CHMP1A: variants seen among roughly 807,000 people sequenced by gnomAD.
The protein encoded by CHMP1A is charged multivesicular body protein 1A, also known as VPS46 homolog A.
A neutral mutation model predicts 27.0 loss-of-function variants in CHMP1A; 17 were observed. That is an observed-to-expected ratio of 0.63 (90% CI 0.43 to 0.95). The LOEUF is 0.95. Ranked by LOEUF, CHMP1A falls within the 40% of genes least tolerant of loss-of-function variation. The probability of loss-of-function intolerance (pLI) is 0.00; values close to 1 mark genes in which losing one functional copy is unlikely to be tolerated. For missense variants in CHMP1A, 275 were observed against 264.0 expected (o/e 1.04, Z -0.29); for synonymous variants, 131 against 107.5 (o/e 1.22, Z -1.35).
chr16:89,648,575 T>A (rs1207873820), intron 4 of CHMP1A, among the ~76,000 whole-genome samples: 1 of 152,148 alleles, frequency 6.6e-6, no homozygotes, highest in Non-Finnish European at 1.5e-5. Context: ...CTGCCTCTTG[T>A]GGGAGTTGCC....
Position 89,646,607 on chromosome 16 carries a change from G to C in CHMP1A, c.489C>G (p.Asp163Glu). 2 of 1,605,226 alleles carry C rather than the reference G, an allele frequency of 1.2e-6. No individual in the cohort carries two copies. The highest frequency in any genetic ancestry group is 1.7e-6 in the Non-Finnish European group (2 of 1,176,868). Residue 163 changes from aspartate (D) to glutamate (E), a missense_variant, in exon 6 of 7, where the codon GAC becomes GAG. Asp to Glu is a conservative substitution (Grantham distance 45). Coordinates refer to ENST00000397901, the MANE Select transcript of CHMP1A (RefSeq NM_002768.5). ...IAEENGLEVL[D>E]QLSQLPEGAS... ...CGCCCTCGGGCAGCTGGCTGAGCTG[G>C]TCCAGCACCTCCAGGCCATTCTCCT...
intron 1 of CHMP1A, among the ~76,000 whole-genome samples, chr16:89,654,934 C>G (rs983142478): frequency 6.6e-5 from 9 of 135,656 alleles, no homozygotes; most frequent in Non-Finnish European, 6.3e-5. Flanking sequence ...CAGTGCAAGA[C>G]TCCGTCTCAA....
At chr16:89,650,884 T>G (rs2059818622) in intron 3 of CHMP1A, among the ~76,000 whole-genome samples, 2 of 151,716 alleles carry the variant, frequency 1.3e-5, no homozygotes, top group South Asian at 4.2e-4. Context: ...GTTCAGAATG[T>G]TGGAAATGCA....
rs71279372 is a variant in CHMP1A, at chr16:89,648,393, C to G, written c.252+958G>C. 5.2e-3 allele frequency among the ~76,000 whole-genome samples: 233 copies of G among 44,584 alleles called. 62 individuals are homozygous for G. The highest frequency in any genetic ancestry group is 9.4e-3 in the South Asian group (7 of 744). The allele number at this position is 44,584 out of a possible 152,430, so 29.2% of individuals were successfully genotyped here. A position where few individuals can be genotyped will look rare whatever the true frequency, so the allele number is the denominator to read the frequency against. On this transcript the variant is annotated intron_variant, in intron 4 of 6. Coordinates refer to ENST00000397901, the MANE Select transcript of CHMP1A (RefSeq NM_002768.5). The stretch of plus-strand genomic sequence containing the variant: ...AGCGCGGGGTCGGTGGAGAAAAGGC[C>G]GCCGACGTGGGGACCCAGCGCGGGG...
intron 2 of CHMP1A, among the ~76,000 whole-genome samples, chr16:89,652,869 G>T (rs866359030): frequency 3.2e-4 from 49 of 152,306 alleles, no homozygotes; most frequent in African/African-American, 1.0e-3. Context: ...GGAAATGCAC[G>T]GAAACCTGCC....
intron 1 of CHMP1A, among the ~76,000 whole-genome samples, chr16:89,656,440 C>G (rs965076687): frequency 6.6e-6 from 1 of 152,204 alleles, no homozygotes; most frequent in South Asian, 2.1e-4. Flanking sequence ...CCCAGCCCTT[C>G]AAAAAGTATT....
intron 2 of CHMP1A, among the ~76,000 whole-genome samples, chr16:89,653,622 C>CAAAAAAAAAAAAAAAAAAAAAAAAAA (rs5818724): frequency 1.9e-5 from 1 of 51,498 alleles, no homozygotes; most frequent in Non-Finnish European, 3.7e-5. Context: ...GACGCCGTCT[C>CAAAAAAAAAAAAAAAAAAAAAAAAAA]AAAAAAAAAA....
chr16:89,657,489 T>G (rs1010651075), intron 1 of CHMP1A, 93 bp downstream of exon 1: 1 of 1,506,884 alleles, frequency 6.6e-7, no homozygotes, highest in South Asian at 1.2e-5. Context: ...TCCTGAGTCC[T>G]GCCCGCGGCC....
At chr16:89,656,353 G>C (rs2059869715) in intron 1 of CHMP1A, among the ~76,000 whole-genome samples, 1 of 151,434 alleles carries the variant, frequency 6.6e-6, no homozygotes, top group Non-Finnish European at 1.5e-5. Context: ...TAGCCAGGAT[G>C]GTCTCGATCT....
chr16:89,646,445 C>A, intron 6 of CHMP1A, 82 bp downstream of exon 6: 2 of 1,394,992 alleles, frequency 1.4e-6, no homozygotes, highest in Non-Finnish European at 9.7e-7. Flanking sequence ...TCTCCTCCAG[C>A]CTCTAACCCA....
At chr16:89,649,257 G>A (rs956683360) in intron 4 of CHMP1A, 94 bp downstream of exon 4, 52 of 1,368,778 alleles carry the variant, frequency 3.8e-5, no homozygotes, top group Middle Eastern at 2.7e-4. Context: ...TCCACCTTCC[G>A]TCAACTCTGA....
intron 4 of CHMP1A, 87 bp downstream of exon 4, chr16:89,649,264 C>G (rs1410145354): frequency 6.6e-7 from 1 of 1,516,340 alleles, no homozygotes; most frequent in Non-Finnish European, 8.9e-7. Flanking sequence ...TCCGTCAACT[C>G]TGAGCTGCCC....
rs182350416 is a variant in CHMP1A, at chr16:89,655,488, C to T, written c.8-1565G>A. Among the ~76,000 whole-genome samples the T allele has an allele frequency of 9.3e-4, 142 of 152,238 alleles. 2 individuals carry two copies. Among genetic ancestry groups the T allele is most frequent in the Non-Finnish European group, 1.5e-5 (1 of 68,022 alleles). On this transcript the variant is annotated intron_variant, in intron 1 of 6. Coordinates refer to ENST00000397901, the MANE Select transcript of CHMP1A (RefSeq NM_002768.5). ...CTTTCCCTCACCTCAGCTTTCCTCA[C>T]CTCAGCTTTCTCTTCCAGCCGTGTG...
At chr16:89,652,916 G>A (rs962537456) in intron 2 of CHMP1A, among the ~76,000 whole-genome samples, 8 of 152,106 alleles carry the variant, frequency 5.3e-5, no homozygotes, top group Non-Finnish European at 1.0e-4. Context: ...ACCCCACGTG[G>A]GAGGAATACT....
intron 5 of CHMP1A, 119 bp from the exon 6 acceptor site, chr16:89,646,833 C>T: frequency 8.4e-7 from 1 of 1,186,464 alleles, no homozygotes; most frequent in Non-Finnish European, 1.2e-6. Flanking sequence ...CCTTCTTGCC[C>T]TGTTCTCTCA....
Position 89,657,654 on chromosome 16 carries a change from C to G in CHMP1A, c.-66G>C. On this transcript the variant is annotated 5_prime_UTR_variant, in exon 1 of 7. Transcript: ENST00000397901. ...ACGCCAACTCCGGGCGGTGTCAGGTCCCGGCGGCGATCGAACCGACCAAGC... is the reference window on the plus strand; with the variant it reads ...ACGCCAACTCCGGGCGGTGTCAGGTGCCGGCGGCGATCGAACCGACCAAGC... 6.2e-7 allele frequency: 1 copy of G among 1,603,922 alleles called. No individual in the cohort carries two copies. Among genetic ancestry groups the G allele is most frequent in the African/African-American group, 1.4e-5 (1 of 73,950 alleles).
rs117555004 is a variant in CHMP1A at position 89,645,966 on chromosome 16, A to T, written c.*100T>A. The T allele has an allele frequency of 9.3e-6, 15 of 1,611,190 alleles. No individual in the cohort carries two copies. The highest frequency in any genetic ancestry group is 1.2e-5 in the Non-Finnish European group (14 of 1,179,246). ...GAGACGCAGAGTGGCTGCCGGCCGC[A>T]GCCCCGCGGGGTCAGCACAAAGGCA... On this transcript the variant is annotated 3_prime_UTR_variant, in exon 7 of 7. Coordinates refer to ENST00000397901, the MANE Select transcript of CHMP1A (RefSeq NM_002768.5).
intron 3 of CHMP1A, 37 bp from the exon 4 acceptor site, chr16:89,649,534 G>C: frequency 1.2e-6 from 2 of 1,611,834 alleles, no homozygotes; most frequent in Non-Finnish European, 1.7e-6. Context: ...GAAGAGCTTG[G>C]TGGTGTGTGT....
Position 89,647,324 on chromosome 16 carries a change from T to C in CHMP1A, c.260A>G (p.Lys87Arg). The change falls in exon 5 of 7, where the codon AAG becomes AGG. Residue 87 changes from lysine to arginine, a missense_variant. By Grantham distance (26) the Lys-to-Arg change is conservative (BLOSUM62 2). Coordinates refer to ENST00000397901, the MANE Select transcript of CHMP1A (RefSeq NM_002768.5). ...GGCTTTGGTCACCTGGGCCATATTC[T>C]TGGTCACCTGAGACAGGAGAGAGCG... Reference protein sequence around the residue: ...QTAVTMKGVTKNMAQVTKALD... With the variant: ...QTAVTMKGVTRNMAQVTKALD... 6.2e-7 allele frequency: 1 copy of C among 1,608,900 alleles called. No individual in the cohort carries two copies. Among genetic ancestry groups the C allele is most frequent in the Non-Finnish European group, 8.5e-7 (1 of 1,176,142 alleles).
Sources: gnomAD v4.1 joint callset for allele counts (sites outside exome capture counted in the v4.1 genomes callset) on GRCh38, gnomAD v4.1.1 for gene constraint, MANE v1.5 for transcripts, NCBI Gene and HGNC (gene_info 2026-07-23, HGNC 2026-07-21) for gene names.